The following SEC31A variants were observed in gnomAD, a reference collection of about 807,000 sequenced individuals.
SEC31A encodes the protein protein transport protein Sec31A.
In SEC31A, 70 loss-of-function variants were observed where a neutral mutation model predicts 151.0. The observed-to-expected ratio is 0.46, with a 90% CI of 0.38 to 0.57. The LOEUF (loss-of-function observed/expected upper bound fraction) is 0.57. Among genes scored for constraint, SEC31A ranks in the 20% least tolerant of loss-of-function variants. The pLI is 0.00. For synonymous variants in SEC31A, 475 were observed against 505.9 expected, an observed-to-expected ratio of 0.94 and a Z score of 0.82; for missense variants, 1,330 against 1,471.2, an observed-to-expected ratio of 0.90 and a Z score of 1.57.
rs553947688 is a variant in SEC31A, at chr4:82,881,588, G to GT, written c.79+269dup. Among the ~76,000 whole-genome samples the GT allele has an allele frequency of 1.3e-3, 190 of 151,880 alleles. 3 individuals carry two copies. Among genetic ancestry groups the GT allele is most frequent in the Admixed American group, 2.6e-3 (40 of 15,230 alleles). Reference sequence around the variant, plus strand: ...TCATTCATTCAAACTGATATTAACTGTTTTTTTTACATGCCATCTATTGTG... The same window carrying GT: ...TCATTCATTCAAACTGATATTAACTGTTTTTTTTTACATGCCATCTATTGTG... On this transcript the variant is annotated intron_variant, in intron 2 of 26. Transcript: ENST00000395310.
intron 1 of SEC31A, among the ~76,000 whole-genome samples, chr4:82,889,396 T>C (rs1201667488): frequency 2.0e-5 from 3 of 151,938 alleles, no homozygotes; most frequent in Non-Finnish European, 4.4e-5. Context: ...CTATAAAAAA[T>C]AAGATTAGTT....
intron 12 of SEC31A, among the ~76,000 whole-genome samples, 190 bp from the exon 13 acceptor site, chr4:82,862,762 T>C (rs899452196): frequency 6.6e-6 from 1 of 152,238 alleles, no homozygotes; most frequent in African/African-American, 2.4e-5. Context: ...TGGAAGTAAT[T>C]AGAAATAATC....
chr4:82,836,637 C>T (rs1727377676), intron 22 of SEC31A, among the ~76,000 whole-genome samples: 1 of 152,042 alleles, frequency 6.6e-6, no homozygotes, highest in Non-Finnish European at 1.5e-5. Flanking sequence ...TTGCATGATT[C>T]TACTTATATA....
At chr4:82,886,218 G>T (rs1740677929) in intron 1 of SEC31A, among the ~76,000 whole-genome samples, 1 of 152,194 alleles carries the variant, frequency 6.6e-6, no homozygotes, top group Admixed American at 6.5e-5. Flanking sequence ...AATTGTGTTA[G>T]GTTAGAGCAA....
intron 4 of SEC31A, among the ~76,000 whole-genome samples, chr4:82,876,918 T>C (rs962225748): frequency 6.6e-6 from 1 of 152,112 alleles, no homozygotes; most frequent in African/African-American, 2.4e-5. Flanking sequence ...AACAAAGGAG[T>C]TAGCTAAAGA....
intron 20 of SEC31A, 55 bp downstream of exon 20, chr4:82,848,749 C>G (rs1177971623): frequency 8.0e-6 from 12 of 1,492,794 alleles, no homozygotes; most frequent in Admixed American, 4.3e-5. Context: ...TGAAAACCAC[C>G]AATTTGAAGA....
rs1464745691 is a variant in SEC31A at position 82,864,387 on chromosome 4, T to G, written c.1409A>C (p.Glu470Ala). 3.7e-6 allele frequency: 6 copies of G among 1,613,718 alleles called. No homozygotes were observed. The highest frequency in any genetic ancestry group is 3.3e-4 in the Middle Eastern group (2 of 6,084). Residue 470 changes from glutamate (E) to alanine (A), a missense_variant, in exon 11 of 27, where the codon GAG becomes GCG. By Grantham distance (107) the Glu-to-Ala change is moderately radical (BLOSUM62 -1). Transcript: ENST00000395310. ...CTTCAAAAAGGACCACACATTTTTC[T>G]CAAATTCAGTCTGAGAAGCATCAAT... Reference protein sequence around the residue: ...KKIDASQTEFEKNVWSFLKVN... With the variant: ...KKIDASQTEFAKNVWSFLKVN...
chr4:82,821,405 G>A (rs546445100), intron 25 of SEC31A: 43 of 245,086 alleles, frequency 1.8e-4, no homozygotes, highest in African/African-American at 9.0e-4. Flanking sequence ...AAAATTTGCT[G>A]GGCGTAGTGG....
At chr4:82,840,017 G>A (rs1326243361) in intron 22 of SEC31A, among the ~76,000 whole-genome samples, 1 of 152,126 alleles carries the variant, frequency 6.6e-6, no homozygotes, top group African/African-American at 2.4e-5. Context: ...ATTTACACCA[G>A]GACTAAACTA....
At chr4:82,851,238 A>C (rs537438836) in intron 19 of SEC31A, among the ~76,000 whole-genome samples, 193 bp downstream of exon 19, 7 of 152,342 alleles carry the variant, frequency 4.6e-5, no homozygotes, top group Admixed American at 6.5e-5. Flanking sequence ...AGATTATCCT[A>C]TCTCTCTAAC....
At position 82,819,214 on chromosome 4, in the gene SEC31A, T is replaced by C. The variant is rs146277133; in HGVS notation, c.3523A>G (p.Arg1175Gly). The C allele has an allele frequency of 2.4e-5, 39 of 1,607,976 alleles. No individual in the cohort carries two copies. The African/African-American group carries it at 4.1e-4, about 17-fold the overall frequency. The part of the protein sequence containing the change: ...TITSGLHNIA[R>G]SIETRNYSEG... ...GAGTAGTTTCGAGTTTCAATGCTCC[T>C]TGCAATGTTGTGTAAACCACTGGTG... is the stretch of plus-strand genomic sequence containing the variant. The change falls in exon 27 of 27, where the codon AGG becomes GGG. Residue 1175 changes from arginine to glycine, a missense_variant. Transcript: ENST00000395310.
intron 3 of SEC31A, among the ~76,000 whole-genome samples, chr4:82,896,807 T>G (rs1390832236): frequency 6.6e-6 from 1 of 152,212 alleles, no homozygotes; most frequent in Non-Finnish European, 1.5e-5. Flanking sequence ...AAATATTTGC[T>G]ATAGGATGGA....
intron 22 of SEC31A, 27 bp downstream of exon 22, chr4:82,842,113 C>T: frequency 1.3e-6 from 2 of 1,513,592 alleles, no homozygotes; most frequent in South Asian, 2.7e-5. Flanking sequence ...AGGAGGGGGC[C>T]AAACCAAATC....
intron 22 of SEC31A, among the ~76,000 whole-genome samples, chr4:82,836,097 G>A (rs577974554): frequency 3.5e-4 from 53 of 152,136 alleles, no homozygotes; most frequent in Admixed American, 9.8e-4. Context: ...AAAATTGGCC[G>A]GGCGCGGTGG....
At position 82,857,025 on chromosome 4, in the gene SEC31A, A is replaced by G. The variant is rs1267267920; in HGVS notation, c.1808T>C (p.Ile603Thr). 1.2e-6 allele frequency: 2 copies of G among 1,614,062 alleles called. No individual in the cohort carries two copies. The highest frequency in any genetic ancestry group is 2.2e-5 in the South Asian group (2 of 91,036). Reference protein sequence around the residue: ...NRMADAIILAIAGGQELLART... With the variant: ...NRMADAIILATAGGQELLART... ...AGCCAAGAGTTCTTGTCCACCTGCT[A>G]TGGCCAATATAATGGCATCGGCCAT... The change falls in exon 16 of 27, where the codon ATA becomes ACA. Residue 603 changes from isoleucine to threonine, a missense_variant. Ile to Thr is a moderately conservative substitution (Grantham distance 89). Coordinates refer to ENST00000395310, the MANE Select transcript of SEC31A (RefSeq NM_001077207.4).
Position 82,854,967 on chromosome 4 carries a change from A to G in SEC31A, c.1944T>C (p.Asn648=), listed in dbSNP as rs1047935652. Residue 648 remains asparagine (N), a synonymous_variant, in exon 17 of 27, where the codon AAT becomes AAC. Coordinates refer to ENST00000395310, the MANE Select transcript of SEC31A (RefSeq NM_001077207.4). Reference sequence around the variant, plus strand: ...ATACTGCAGCTAAAGCCTCTCTCCAATTTTTAAGATCACAAGACTCAACAA... The same window carrying G: ...ATACTGCAGCTAAAGCCTCTCTCCAGTTTTTAAGATCACAAGACTCAACAA... ...KEIVESCDLK[N]WREALAAVLT... The G allele has an allele frequency of 9.3e-6, 15 of 1,613,836 alleles. No homozygotes were observed. The highest frequency in any genetic ancestry group is 1.3e-5 in the Non-Finnish European group (15 of 1,179,968).
chr4:82,863,968 C>T (rs1014785562), intron 11 of SEC31A, among the ~76,000 whole-genome samples: 1 of 152,108 alleles, frequency 6.6e-6, no homozygotes, highest in African/African-American at 2.4e-5. Flanking sequence ...AAAAATGCCT[C>T]CAACCTCTCT....
At chr4:82,821,242 CAACT>C (rs1723244600) in intron 25 of SEC31A, 134 bp from the exon 26 acceptor site, 2 of 707,848 alleles carry the variant, frequency 2.8e-6, no homozygotes, top group South Asian at 3.4e-5. Flanking sequence ...GAGGCAACTA[CAACT>C]AAGAAACTTG....
chr4:82,841,083 A>C (rs1437614952), intron 22 of SEC31A, among the ~76,000 whole-genome samples: 2 of 152,172 alleles, frequency 1.3e-5, no homozygotes, highest in Non-Finnish European at 2.9e-5. Context: ...TTAGCTTAAA[A>C]CATAAATATT....
Sources: allele counts gnomAD v4.1 joint callset (sites outside exome capture counted in the v4.1 genomes callset), GRCh38; gene constraint gnomAD v4.1.1; transcripts MANE v1.5; gene names NCBI Gene and HGNC (gene_info 2026-07-23, HGNC 2026-07-21).